PCDH15: variants seen among roughly 807,000 people sequenced by gnomAD.
PCDH15 encodes protocadherin-15.
A neutral mutation model predicts 178.5 loss-of-function variants in PCDH15; 129 were observed. The observed-to-expected ratio is 0.72, with a 90% CI of 0.63 to 0.84. The LOEUF is 0.84. Ranked by LOEUF, PCDH15 falls within the 40% of genes least tolerant of loss-of-function variation. PCDH15 has a pLI of 0.00. For synonymous variants in PCDH15, 800 were observed against 732.0 expected (o/e 1.09, Z -1.50); for missense variants, 2,230 against 2,099.9 (o/e 1.06, Z -1.21).
chr10:55,120,991 G>GTGGA (rs979081698), intron 2 of PCDH15, among the ~76,000 whole-genome samples: 12 of 152,284 alleles, frequency 7.9e-5, no homozygotes, highest in Non-Finnish European at 1.8e-4. Flanking sequence ...TAATAGAGCT[G>GTGGA]TGGATGCAGT....
intron 8 of PCDH15, among the ~76,000 whole-genome samples, chr10:54,315,591 A>G (rs10825302): frequency 0.45 from 68,580 of 152,016 alleles, 16,208 homozygotes; most frequent in Middle Eastern, 0.6. Context: ...TCTTTGTTAC[A>G]AAATCTTTGC....
At chr10:54,040,660 A>T (rs530225443) in intron 18 of PCDH15, among the ~76,000 whole-genome samples, 1 of 152,144 alleles carries the variant, frequency 6.6e-6, no homozygotes, top group South Asian at 2.1e-4. Flanking sequence ...GGAGATATAT[A>T]TAATAAAGGG....
chr10:53,978,028 G>A (rs2090333143), intron 21 of PCDH15, among the ~76,000 whole-genome samples: 1 of 152,146 alleles, frequency 6.6e-6, no homozygotes, highest in African/African-American at 2.4e-5. Flanking sequence ...TTCATGGCTG[G>A]CATTGAATGC....
intron 2 of PCDH15, among the ~76,000 whole-genome samples, chr10:55,085,139 A>G (rs1203896201): frequency 6.6e-6 from 1 of 152,042 alleles, no homozygotes; most frequent in African/African-American, 2.4e-5. Context: ...TGATTATTGC[A>G]GCACAATTCA....
At chr10:54,598,342 T>C (rs2092344090) in intron 2 of PCDH15, among the ~76,000 whole-genome samples, 1 of 152,134 alleles carries the variant, frequency 6.6e-6, no homozygotes, top group Non-Finnish European at 1.5e-5. Context: ...ATAAATATGA[T>C]TTATAAAATA....
chr10:54,925,437 T>A (rs149222251), intron 2 of PCDH15, among the ~76,000 whole-genome samples: 1 of 149,400 alleles, frequency 6.7e-6, no homozygotes, highest in African/African-American at 2.5e-5. Context: ...CGTTTTTTTT[T>A]GTTTTCACAT....
chr10:55,052,491 G>C (rs531279948), intron 2 of PCDH15, among the ~76,000 whole-genome samples: 29 of 124,434 alleles, frequency 2.3e-4, no homozygotes, highest in African/African-American at 7.5e-4. Context: ...CTTGACCTCA[G>C]GAGTTCAAGA....
intron 2 of PCDH15, among the ~76,000 whole-genome samples, chr10:54,576,754 T>C (rs2090515318): frequency 6.6e-6 from 1 of 152,178 alleles, no homozygotes; most frequent in Non-Finnish European, 1.5e-5. Context: ...CTCTCACAGT[T>C]ACAGTGTAGT....
At chr10:55,339,743 G>T (rs867363952) in intron 2 of PCDH15, among the ~76,000 whole-genome samples, 125 of 152,136 alleles carry the variant, frequency 8.2e-4, no homozygotes, top group African/African-American at 2.2e-3. Context: ...CCAGCTTTTA[G>T]TTAATAATTG....
At chr10:53,984,413 T>C (rs922942542) in intron 21 of PCDH15, among the ~76,000 whole-genome samples, 2 of 151,988 alleles carry the variant, frequency 1.3e-5, no homozygotes, top group African/African-American at 4.8e-5. Context: ...GCCTCCCAAA[T>C]TGCTGGGATT....
chr10:54,810,740 G>A (rs1310039454), intron 3 of PCDH15, among the ~76,000 whole-genome samples: 1 of 151,658 alleles, frequency 6.6e-6, no homozygotes, highest in Admixed American at 6.6e-5. Context: ...TTTTTCTCCT[G>A]ATAGAAAAAA....
chr10:54,859,887 G>A (rs1192996322), intron 3 of PCDH15, among the ~76,000 whole-genome samples: 2 of 151,602 alleles, frequency 1.3e-5, no homozygotes, highest in African/African-American at 4.8e-5. Context: ...ATTTTTTTCT[G>A]TTCCAAATAA....
At chr10:54,252,466 T>C (rs1327661426) in intron 8 of PCDH15, among the ~76,000 whole-genome samples, 1 of 152,178 alleles carries the variant, frequency 6.6e-6, no homozygotes, top group African/African-American at 2.4e-5. Context: ...GATAGAATAA[T>C]ATTGATTATC....
chr10:54,565,416 T>G (rs1017617245), intron 2 of PCDH15, among the ~76,000 whole-genome samples: 1 of 152,162 alleles, frequency 6.6e-6, no homozygotes. Context: ...AGGCCTGACC[T>G]TAACAGCCAG....
At chr10:55,052,537 C>A (rs868514418) in intron 2 of PCDH15, among the ~76,000 whole-genome samples, 1,617 of 39,086 alleles carry the variant, frequency 0.041, 19 homozygotes, top group East Asian at 0.06. Context: ...CCGTCTCATA[C>A]AAAAAAAAAA....
intron 2 of PCDH15, among the ~76,000 whole-genome samples, chr10:55,608,660 A>T (rs1381400217): frequency 2.0e-5 from 3 of 151,928 alleles, no homozygotes; most frequent in African/African-American, 7.3e-5. Flanking sequence ...AGAAGACTTT[A>T]ATCAGGTGCT....
chr10:54,835,704 C>A (rs917381536), intron 3 of PCDH15, among the ~76,000 whole-genome samples: 5 of 152,082 alleles, frequency 3.3e-5, no homozygotes, highest in South Asian at 2.1e-4. Context: ...TATGAAAAAA[C>A]CAATATTACA....
intron 2 of PCDH15, among the ~76,000 whole-genome samples, chr10:54,560,567 C>T (rs75701439): frequency 0.019 from 2,846 of 151,990 alleles, 85 homozygotes; most frequent in African/African-American, 0.065. Flanking sequence ...TAGATACACA[C>T]TTTTGTTAAA....
intron 2 of PCDH15, among the ~76,000 whole-genome samples, chr10:55,542,171 T>G (rs1436747345): frequency 9.9e-5 from 15 of 151,566 alleles, no homozygotes; most frequent in Admixed American, 9.9e-4. Flanking sequence ...TATGTACATA[T>G]GTACAGTATG....
Sources: gnomAD v4.1 joint callset for allele counts (sites outside exome capture counted in the v4.1 genomes callset) on GRCh38, gnomAD v4.1.1 for gene constraint, MANE v1.5 for transcripts, NCBI Gene and HGNC (gene_info 2026-07-23, HGNC 2026-07-21) for gene names.